DLG5: variants seen among roughly 807,000 people sequenced by gnomAD.
DLG5 encodes discs large MAGUK scaffold protein 5.
A neutral mutation model predicts 189.8 loss-of-function variants in DLG5; 48 were observed. The observed-to-expected ratio is 0.25, with a 90% CI of 0.20 to 0.32. The LOEUF (loss-of-function observed/expected upper bound fraction) is 0.32. DLG5 is among the 10% of genes least tolerant of loss of function. The probability of loss-of-function intolerance (pLI) is 1.00; values close to 1 mark genes in which losing one functional copy is unlikely to be tolerated. For missense variants in DLG5, 2,160 were observed against 2,544.7 expected (o/e 0.85, Z 3.25); for synonymous variants, 1,016 against 1,054.1 (o/e 0.96, Z 0.70).
chr10:77,868,888 G>A, intron 2 of DLG5: 1 of 533,706 alleles, frequency 1.9e-6, no homozygotes, highest in Non-Finnish European at 3.3e-6. Flanking sequence ...GAAGCCCTGT[G>A]CCCTGACAAA....
At chr10:77,880,938 G>A (rs1303473348) in intron 1 of DLG5, among the ~76,000 whole-genome samples, 1 of 144,366 alleles carries the variant, frequency 6.9e-6, no homozygotes, top group Non-Finnish European at 1.5e-5. Flanking sequence ...ACTCAAGCAG[G>A]ACTCTCATCC....
chr10:77,918,979 G>T (rs1348354654), intron 1 of DLG5, among the ~76,000 whole-genome samples: 1 of 152,170 alleles, frequency 6.6e-6, no homozygotes, highest in Non-Finnish European at 1.5e-5. Context: ...ACTCTGGGAG[G>T]CTGAGGTAGG....
rs748281696 is a variant in DLG5 at position 77,805,680 on chromosome 10, T to C, written c.5149A>G (p.Ile1717Val). 1.9e-6 allele frequency: 3 copies of C among 1,612,232 alleles called. No homozygotes were observed. Among genetic ancestry groups the C allele is most frequent in the African/African-American group, 1.3e-5 (1 of 75,018 alleles). ...LALDAFSSDS[I>V]PLFEDSVSLA... is the part of the protein sequence containing the mutation. ...AGCCACTTGCCTTCAAAGAGTGGAA[T>C]GGAGTCACTGGAAAAGGCATCCAAG... The change falls in exon 27 of 32, where the codon ATT (isoleucine) becomes GTT (valine). Residue 1717 changes from isoleucine to valine, a missense_variant. Physicochemically the swap from Ile to Val is conservative, Grantham distance 29 (BLOSUM62 3). Transcript: ENST00000372391.
At chr10:77,825,374 C>CCACACACACACA (rs59102694) in intron 13 of DLG5, among the ~76,000 whole-genome samples, 4,413 of 130,802 alleles carry the variant, frequency 0.034, 161 homozygotes, top group South Asian at 0.045. Flanking sequence ...CCACACACAA[C>CCACACACACACA]CACACACACA....
chr10:77,875,329 A>G (rs1355191491), intron 1 of DLG5, among the ~76,000 whole-genome samples: 1 of 152,198 alleles, frequency 6.6e-6, no homozygotes, highest in Non-Finnish European at 1.5e-5. Context: ...GCAGGAGACA[A>G]CAGGCGGAAC....
chr10:77,794,823 C>CG (rs1384688400), intron 30 of DLG5, 26 bp downstream of exon 30: 1 of 1,585,556 alleles, frequency 6.3e-7, no homozygotes, highest in African/African-American at 1.3e-5. Context: ...AAGGCCCCAG[C>CG]GGAGCCCAGG....
chr10:77,843,017 T>C (rs1843502596), intron 6 of DLG5, among the ~76,000 whole-genome samples: 1 of 152,194 alleles, frequency 6.6e-6, no homozygotes, highest in South Asian at 2.1e-4. Flanking sequence ...ATCACATCTC[T>C]AAAGATGACA....
chr10:77,927,163 G>C (rs1846729117), upstream of DLG5: 1 of 154,706 alleles, frequency 6.5e-6, no homozygotes, highest in African/African-American at 2.4e-5. Flanking sequence ...AGCAGGGGAG[G>C]AGGGGACGGG....
chr10:77,803,188 A>C (rs1047846819), intron 27 of DLG5, among the ~76,000 whole-genome samples: 7 of 152,226 alleles, frequency 4.6e-5, no homozygotes, highest in Non-Finnish European at 8.8e-5. Flanking sequence ...GAAGGGACAA[A>C]CATAAACGAG....
At chr10:77,934,307 G>T in the DLG5 span, among the ~76,000 whole-genome samples, 4 of 143,464 alleles carry the variant, frequency 2.8e-5, no homozygotes, top group African/African-American at 1.0e-4. Context: ...GGAGGCAGAG[G>T]TTGCAGTGAG....
At chr10:77,892,209 G>A (rs1034642744) in intron 1 of DLG5, among the ~76,000 whole-genome samples, 2 of 152,158 alleles carry the variant, frequency 1.3e-5, no homozygotes, top group African/African-American at 2.4e-5. Context: ...TCTGACACGT[G>A]CCCTCAATCC....
intron 30 of DLG5, 101 bp from the exon 31 acceptor site, chr10:77,794,218 G>T: frequency 1.0e-6 from 1 of 967,770 alleles, no homozygotes; most frequent in Non-Finnish European, 1.6e-6. Flanking sequence ...GGCAGGGGTA[G>T]GCTGTGGAGG....
the DLG5 span, among the ~76,000 whole-genome samples, chr10:77,936,410 C>A: frequency 6.8e-6 from 1 of 146,232 alleles, no homozygotes; most frequent in Admixed American, 6.9e-5. Context: ...AGCACTCTAG[C>A]CTGGCAACAG....
intron 1 of DLG5, among the ~76,000 whole-genome samples, chr10:77,895,012 T>C (rs1201849396): frequency 6.6e-6 from 1 of 152,210 alleles, no homozygotes; most frequent in Non-Finnish European, 1.5e-5. Context: ...GGAACTTCGA[T>C]ACAACCTTAT....
Position 77,926,719 on chromosome 10 carries a change from G to C in DLG5, c.-199C>G, listed in dbSNP as rs1184190239. ...AGCAGCGGCCGCCTCCCGGGCTCCG[G>C]AGCGCAGCCATGTTGGCTGCCGCGG... On this transcript the variant is annotated 5_prime_UTR_variant, in exon 1 of 32. Coordinates refer to ENST00000372391, the MANE Select transcript of DLG5 (RefSeq NM_004747.4). The surrounding 1 kb of genome is among the most constrained non-coding windows in gnomAD (Gnocchi z 5.2). The C allele has an allele frequency of 6.0e-6, 1 of 167,256 alleles. No individual in the cohort carries two copies. Among genetic ancestry groups the C allele is most frequent in the Non-Finnish European group, 1.2e-5 (1 of 82,848 alleles). 10.4% of individuals were successfully genotyped at this position (167,256 alleles called of 1,614,324 possible). A position where few individuals can be genotyped will look rare whatever the true frequency, so the allele number is the denominator to read the frequency against.
At position 77,926,500 on chromosome 10, in the gene DLG5, C is replaced by T. The variant is rs1298647529; in HGVS notation, c.21G>A (p.Glu7=). 11 of 1,373,180 alleles carry T rather than the reference C, an allele frequency of 8.0e-6. No homozygotes were observed. The highest frequency in any genetic ancestry group is 1.0e-5 in the Non-Finnish European group (11 of 1,058,306). 85.1% of individuals were successfully genotyped at this position (1,373,180 alleles called of 1,614,324 possible). A position where few individuals can be genotyped will look rare whatever the true frequency, so the allele number is the denominator to read the frequency against. ...GGCTCTGCTGACACTGGGCGAGCAGCTCCCGGCGCTGGGGCTCCATGGTGG... is the reference window on the plus strand; with the variant it reads ...GGCTCTGCTGACACTGGGCGAGCAGTTCCCGGCGCTGGGGCTCCATGGTGG... MEPQRR[E]LLAQCQQSLA... Residue 7 remains glutamate (E), a synonymous_variant, in exon 1 of 32, where the codon GAG becomes GAA. Coordinates refer to ENST00000372391, the MANE Select transcript of DLG5 (RefSeq NM_004747.4). This position sits in a 1 kb window ranked among gnomAD's most constrained non-coding sequence, Gnocchi z 5.2.
At chr10:77,853,616 A>T in intron 4 of DLG5, 79 bp from the exon 5 acceptor site, 2 of 1,362,814 alleles carry the variant, frequency 1.5e-6, no homozygotes, top group Non-Finnish European at 1.9e-6. Flanking sequence ...CACCAGCCTC[A>T]GGTCCCAACA....
intron 9 of DLG5, among the ~76,000 whole-genome samples, chr10:77,831,437 A>G (rs1336575240): frequency 5.3e-5 from 8 of 152,212 alleles, no homozygotes; most frequent in Non-Finnish European, 1.5e-5. Context: ...TAAAATCAAA[A>G]TGCCAACAAG....
intron 20 of DLG5, chr10:77,816,100 G>C: frequency 4.2e-6 from 2 of 470,670 alleles, no homozygotes; most frequent in South Asian, 3.1e-5. Context: ...CAAAGGGTAA[G>C]AATGAGTCCC....
Sources: allele counts gnomAD v4.1 joint callset (sites outside exome capture counted in the v4.1 genomes callset), GRCh38; gene constraint gnomAD v4.1.1; non-coding constraint Gnocchi (gnomAD v3.1); transcripts MANE v1.5; gene names NCBI Gene and HGNC (gene_info 2026-07-23, HGNC 2026-07-21).